KHDRBS2: variants seen among roughly 807,000 people sequenced by gnomAD.
KHDRBS2 encodes the protein KH domain-containing, RNA-binding, signal transduction-associated protein 2.
Under a neutral mutation model 44.3 loss-of-function variants are expected in KHDRBS2, and 26 were observed. The ratio of observed to expected loss-of-function variants is 0.59; its 90% confidence interval spans 0.43 to 0.81. The LOEUF (loss-of-function observed/expected upper bound fraction) is 0.81. Among genes scored for constraint, KHDRBS2 ranks in the 40% least tolerant of loss-of-function variants. The probability of loss-of-function intolerance (pLI) is 0.00; values close to 1 mark genes in which losing one functional copy is unlikely to be tolerated. For missense variants in KHDRBS2, 476 were observed against 433.1 expected (o/e 1.10, Z -0.88); for synonymous variants, 194 against 151.1 (o/e 1.28, Z -2.08).
intron 3 of KHDRBS2, among the ~76,000 whole-genome samples, chr6:62,000,236 C>A (rs758025784): frequency 6.6e-6 from 1 of 152,032 alleles, no homozygotes; most frequent in Non-Finnish European, 1.5e-5. Context: ...TCATTTAGAT[C>A]CAGTGATAGG....
At chr6:62,187,119 T>C (rs1346461247) in intron 1 of KHDRBS2, among the ~76,000 whole-genome samples, 1 of 152,154 alleles carries the variant, frequency 6.6e-6, no homozygotes, top group Non-Finnish European at 1.5e-5. Flanking sequence ...TCAAGTTTCC[T>C]TAAACTTGCA....
intron 6 of KHDRBS2, among the ~76,000 whole-genome samples, chr6:61,773,415 G>GT (rs1262384384): frequency 4.6e-5 from 7 of 151,906 alleles, no homozygotes; most frequent in East Asian, 1.9e-4. Flanking sequence ...TTTTTCATGT[G>GT]TTTTTTTGGC....
intron 6 of KHDRBS2, chr6:61,813,825 G>A (rs188442985): frequency 1.7e-5 from 7 of 415,890 alleles, no homozygotes; most frequent in Non-Finnish European, 2.9e-5. Context: ...CAAAGAAAAA[G>A]TATTTTTCCT....
intron 4 of KHDRBS2, among the ~76,000 whole-genome samples, chr6:61,932,335 T>G (rs1810212120): frequency 6.6e-6 from 1 of 152,216 alleles, no homozygotes; most frequent in Non-Finnish European, 1.5e-5. Flanking sequence ...TACATCATCA[T>G]TATAGTCACC....
intron 2 of KHDRBS2, among the ~76,000 whole-genome samples, chr6:62,140,491 T>C (rs1584922943): frequency 6.6e-6 from 1 of 152,202 alleles, no homozygotes; most frequent in African/African-American, 2.4e-5. Flanking sequence ...GTTATCAAAA[T>C]GAACCCAGTT....
intron 2 of KHDRBS2, among the ~76,000 whole-genome samples, chr6:62,083,171 G>T (rs1409063553): frequency 8.7e-6 from 1 of 115,162 alleles, no homozygotes; most frequent in Non-Finnish European, 2.0e-5. Flanking sequence ...GGCTTCACTG[G>T]GAGAGGGCAG....
chr6:62,213,439 TAA>T (rs1158551134), intron 1 of KHDRBS2, among the ~76,000 whole-genome samples: 2 of 151,912 alleles, frequency 1.3e-5, no homozygotes, highest in Non-Finnish European at 2.9e-5. Flanking sequence ...AATGAAAAGA[TAA>T]AAGTCTTAAA....
chr6:62,075,496 C>A (rs929834575), intron 2 of KHDRBS2, among the ~76,000 whole-genome samples: 1 of 151,920 alleles, frequency 6.6e-6, no homozygotes, highest in African/African-American at 2.4e-5. Context: ...CAATTTTATA[C>A]GCACTTTAAT....
At chr6:62,277,552 C>T in intron 1 of KHDRBS2, among the ~76,000 whole-genome samples, 1 of 152,106 alleles carries the variant, frequency 6.6e-6, no homozygotes, top group East Asian at 1.9e-4. Flanking sequence ...CCGTGTTAGG[C>T]AGGATGGCCT....
intron 3 of KHDRBS2, among the ~76,000 whole-genome samples, chr6:62,045,184 C>A (rs937024824): frequency 6.6e-6 from 1 of 151,912 alleles, no homozygotes; most frequent in African/African-American, 2.4e-5. Context: ...GAAGGTGAGC[C>A]AGTGATTGCG....
At chr6:61,877,657 C>T (rs1309746872) in intron 6 of KHDRBS2, among the ~76,000 whole-genome samples, 1 of 151,768 alleles carries the variant, frequency 6.6e-6, no homozygotes, top group Admixed American at 6.6e-5. Flanking sequence ...GGAGCAAGGG[C>T]TAAAATTGCC....
intron 8 of KHDRBS2, among the ~76,000 whole-genome samples, chr6:61,689,017 C>A (rs1670968111): frequency 6.6e-6 from 1 of 151,882 alleles, no homozygotes. Context: ...ATCAGCCCAA[C>A]CTGAGGAGTG....
chr6:61,879,302 T>C (rs928581247), intron 6 of KHDRBS2, among the ~76,000 whole-genome samples: 1 of 151,968 alleles, frequency 6.6e-6, no homozygotes, highest in Non-Finnish European at 1.5e-5. Context: ...AACAATGAAG[T>C]CTGGAGTTCA....
chr6:61,976,928 A>C (rs1214229151), intron 4 of KHDRBS2, among the ~76,000 whole-genome samples: 1 of 152,194 alleles, frequency 6.6e-6, no homozygotes, highest in Non-Finnish European at 1.5e-5. Flanking sequence ...GATGAGCATC[A>C]GATAATAAAT....
chr6:62,012,972 T>C (rs1014350411), intron 3 of KHDRBS2, among the ~76,000 whole-genome samples: 2 of 152,138 alleles, frequency 1.3e-5, no homozygotes, highest in African/African-American at 4.8e-5. Flanking sequence ...GAAATGAACA[T>C]ATGGTGTTGT....
rs1267495024 is a variant in KHDRBS2, at chr6:61,955,690, ATATATGTG to A, written c.483+22368_483+22375del. Among the ~76,000 whole-genome samples, 27 of 125,050 alleles carry A rather than the reference ATATATGTG, an allele frequency of 2.2e-4. 3 individuals carry two copies. Among genetic ancestry groups the A allele is most frequent in the East Asian group, 4.7e-4 (2 of 4,236 alleles). The allele number at this position is 125,050 out of a possible 152,430, so 82.0% of individuals were successfully genotyped here. ...TATATGTACACATATGTATGTATAC[ATATATGTG>A]TATATATACACATATGTATGTATAC... On this transcript the variant is annotated intron_variant, in intron 4 of 8. Transcript: ENST00000281156.
At chr6:61,662,227 C>T in the KHDRBS2 span, among the ~76,000 whole-genome samples, 1 of 152,122 alleles carries the variant, frequency 6.6e-6, no homozygotes, top group Non-Finnish European at 1.5e-5. Context: ...CCCTTCCTTA[C>T]ATCTTATACA....
At chr6:62,228,490 T>C (rs565622786) in intron 1 of KHDRBS2, among the ~76,000 whole-genome samples, 1 of 152,298 alleles carries the variant, frequency 6.6e-6, no homozygotes, top group Non-Finnish European at 1.5e-5. Flanking sequence ...CCTGGATTCA[T>C]CGATTTTTTG....
chr6:61,690,222 A>G (rs1319363784), intron 8 of KHDRBS2, among the ~76,000 whole-genome samples: 1 of 151,950 alleles, frequency 6.6e-6, no homozygotes, highest in Non-Finnish European at 1.5e-5. Context: ...GCATACTTCC[A>G]AGTGGGCAAA....
Sources: gnomAD v4.1 joint callset for allele counts (sites outside exome capture counted in the v4.1 genomes callset) on GRCh38, gnomAD v4.1.1 for gene constraint, MANE v1.5 for transcripts, NCBI Gene and HGNC (gene_info 2026-07-23, HGNC 2026-07-21) for gene names.